The following RPS3 variants were observed in gnomAD, a reference collection of about 807,000 sequenced individuals.
The protein encoded by RPS3 is ribosomal protein S3.
In RPS3, 2 loss-of-function variants were observed where a neutral mutation model predicts 25.8. The ratio of observed to expected loss-of-function variants is 0.08; its 90% confidence interval spans 0.03 to 0.24. The LOEUF (loss-of-function observed/expected upper bound fraction) is 0.24. Among genes scored for constraint, RPS3 ranks in the 10% least tolerant of loss-of-function variants. The probability of loss-of-function intolerance (pLI) is 1.00; values close to 1 mark genes in which losing one functional copy is unlikely to be tolerated. For synonymous variants in RPS3, 114 were observed against 114.2 expected, an observed-to-expected ratio of 1.00 and a Z score of 0.01; for missense variants, 107 against 307.1, an observed-to-expected ratio of 0.35 and a Z score of 4.87.
rs1453395281 is a variant in RPS3, at chr11:75,406,232, C to CA, written c.*623dup. On this transcript the variant is annotated 3_prime_UTR_variant, in exon 7 of 7. Transcript: ENST00000531188. Reference sequence around the variant, plus strand: ...TTATGTTCTGGAGAACTGTGAAGAACATTTAAATTGTCTCTGATTTTATCT... The same window carrying CA: ...TTATGTTCTGGAGAACTGTGAAGAACAATTTAAATTGTCTCTGATTTTATCT... 1 of 152,208 alleles carries CA rather than the reference C, an allele frequency of 6.6e-6. No homozygotes were observed. The highest frequency in any genetic ancestry group is 1.5e-5 in the Non-Finnish European group (1 of 68,040). 9.4% of individuals were successfully genotyped at this position (152,208 alleles called of 1,614,324 possible).
downstream of RPS3, among the ~76,000 whole-genome samples, chr11:75,407,990 G>T (rs1438606791): frequency 6.6e-6 from 1 of 152,186 alleles, no homozygotes; most frequent in African/African-American, 2.4e-5. Flanking sequence ...AATGAATTGT[G>T]ACAGAAAAGT....
At position 75,404,687 on chromosome 11, in the gene RPS3, A is replaced by G. The variant is rs1236091952; in HGVS notation, c.554A>G (p.Lys185Arg). ...TGTCCTCTAGGTGTGCTGGGCATCA[A>G]GGTGAAGATCATGCTGCCCTGGGAC... ...VLLRQGVLGI[K>R]VKIMLPWDPT... is the part of the protein sequence containing the mutation. The change falls in exon 6 of 7, where the codon AAG becomes AGG. Residue 185 changes from lysine to arginine, a missense_variant. By Grantham distance (26) the Lys-to-Arg change is conservative. Transcript: ENST00000531188. This position sits in a 1 kb window ranked among gnomAD's most constrained non-coding sequence, Gnocchi z 4.6. 1 of 1,611,954 alleles carries G rather than the reference A, an allele frequency of 6.2e-7. No individual in the cohort carries two copies. Among genetic ancestry groups the G allele is most frequent in the South Asian group, 1.1e-5 (1 of 90,818 alleles).
rs1948435045 is a variant in RPS3 at position 75,420,614 on chromosome 11, C to T, written c.*4-1113C>T. ...CCTCATTTGTGAGGGGGCAGGCGGG[C>T]GGCAATAGTGCCTGCCTTACACTAT... On this transcript the variant is annotated intron_variant, in intron 6 of 6. Coordinates refer to the RPS3 transcript ENST00000527446. Among the ~76,000 whole-genome samples, 4 of 152,164 alleles carry T rather than the reference C, an allele frequency of 2.6e-5. No individual in the cohort carries two copies. The South Asian group carries it at 6.2e-4, about 24-fold the overall frequency.
intron 6 of RPS3, among the ~76,000 whole-genome samples, chr11:75,419,536 A>G (rs1948426390): frequency 6.6e-6 from 1 of 152,112 alleles, no homozygotes; most frequent in African/African-American, 2.4e-5. Flanking sequence ...CCTGGGCAAC[A>G]GAGTGAGACT....
downstream of RPS3, among the ~76,000 whole-genome samples, chr11:75,407,774 T>C (rs1948303867): frequency 6.6e-6 from 1 of 152,216 alleles, no homozygotes; most frequent in Non-Finnish European, 1.5e-5. Context: ...GCCAAACATC[T>C]GCAGATTAAG....
In RPS3 at chr11:75,417,591, C is replaced by T. The variant is rs192365636; in HGVS notation, c.*4-4136C>T. On this transcript the variant is annotated intron_variant, in intron 6 of 6. Transcript: ENST00000527446. ...CAGCCTGGGTGACAGAGTGAGACTC[C>T]GTCACACACACACAAAAATTTAAAG... Among the ~76,000 whole-genome samples, 483 of 152,280 alleles carry T rather than the reference C, an allele frequency of 3.2e-3. 1 individual carries two copies. Among genetic ancestry groups the T allele is most frequent in the Non-Finnish European group, 5.3e-3 (363 of 68,022 alleles).
intron 6 of RPS3, among the ~76,000 whole-genome samples, chr11:75,416,362 G>A (rs34593568): frequency 0.073 from 11,051 of 152,106 alleles, 522 homozygotes; most frequent in South Asian, 0.21. Context: ...CTGTTCAAAA[G>A]GTGGGCATAG....
At chr11:75,414,387 G>A (rs965909508) in intron 6 of RPS3, among the ~76,000 whole-genome samples, 18 of 152,196 alleles carry the variant, frequency 1.2e-4, no homozygotes, top group African/African-American at 3.4e-4. Flanking sequence ...CGAGGCAGGC[G>A]GATCACGAGG....
In RPS3 at chr11:75,414,521, G is replaced by A. The variant is rs1425258038; in HGVS notation, c.*4-7206G>A. 6.6e-5 allele frequency among the ~76,000 whole-genome samples: 10 copies of A among 152,082 alleles called. No homozygotes were observed. In the East Asian group the frequency reaches 1.5e-3, roughly 24 times the overall value. ...AGCTACTAGGGAGGCTGAGGCAGGA[G>A]AATGGCATGAAGCCAGGAGGCGGAG... On this transcript the variant is annotated intron_variant, in intron 6 of 6. Coordinates refer to the RPS3 transcript ENST00000527446.
At chr11:75,402,693 C>T (rs1033430998) in intron 4 of RPS3, 1 of 312,068 alleles carries the variant, frequency 3.2e-6, no homozygotes, top group African/African-American at 2.1e-5. Flanking sequence ...GGGAGTTAAA[C>T]ACAAATAGAA....
chr11:75,405,398 C>T (rs928522722), intron 6 of RPS3: 2 of 312,232 alleles, frequency 6.4e-6, no homozygotes, highest in African/African-American at 4.4e-5. Context: ...CACTAACAAG[C>T]CTCCTGTGGT....
At chr11:75,410,245 G>A (rs1169911980), downstream of RPS3, among the ~76,000 whole-genome samples, 1 of 150,280 alleles carries the variant, frequency 6.7e-6, no homozygotes, top group African/African-American at 2.5e-5. Context: ...GGTGGCTGCT[G>A]GACGGAGGGG....
At chr11:75,412,303 T>C (rs1407180696) in intron 6 of RPS3, among the ~76,000 whole-genome samples, 1 of 152,190 alleles carries the variant, frequency 6.6e-6, no homozygotes, top group African/African-American at 2.4e-5. Context: ...TTGGAGCCTT[T>C]AAGGAGGTAT....
downstream of RPS3, among the ~76,000 whole-genome samples, chr11:75,410,911 C>T (rs1387008356): frequency 6.6e-6 from 1 of 152,202 alleles, no homozygotes; most frequent in Non-Finnish European, 1.5e-5. Context: ...CAGTCTCGCT[C>T]TGTCACCCAG....
downstream of RPS3, among the ~76,000 whole-genome samples, chr11:75,408,855 C>T (rs115002787): frequency 4.8e-3 from 732 of 152,322 alleles, 8 homozygotes; most frequent in African/African-American, 0.017. Flanking sequence ...ACATCTTTTA[C>T]AGAAAACTAT....
downstream of RPS3, among the ~76,000 whole-genome samples, chr11:75,409,922 C>T (rs1378516184): frequency 6.8e-5 from 10 of 146,486 alleles, no homozygotes; most frequent in Non-Finnish European, 1.2e-4. Context: ...CCGGACGGGG[C>T]GGCCGGCCGG....
intron 6 of RPS3, among the ~76,000 whole-genome samples, chr11:75,417,323 A>G (rs1039012443): frequency 6.6e-6 from 1 of 151,798 alleles, no homozygotes. Flanking sequence ...TTAGGCCAGG[A>G]GTGGTGGCTC....
In RPS3 at chr11:75,400,689, A is replaced by T; in HGVS notation, c.31-5A>T. The stretch of plus-strand genomic sequence containing the variant: ...TAATTTTGAACTTTGCTTTGTTTGG[A>T]TTAGTTTGTCGCTGATGGCATCTTC... On this transcript the variant is annotated splice_region_variant and splice_polypyrimidine_tract_variant and intron_variant, in intron 1 of 6. Coordinates refer to ENST00000531188, the MANE Select transcript of RPS3 (RefSeq NM_001005.5). The T allele has an allele frequency of 6.2e-7, 1 of 1,611,526 alleles. No individual in the cohort carries two copies. The highest frequency in any genetic ancestry group is 1.1e-5 in the South Asian group (1 of 91,032).
chr11:75,418,988 G>A (rs893948580), intron 6 of RPS3, among the ~76,000 whole-genome samples: 1 of 152,192 alleles, frequency 6.6e-6, no homozygotes, highest in African/African-American at 2.4e-5. Flanking sequence ...AGAGGGTAGA[G>A]CTGGCCTTTA....
Sources: allele counts gnomAD v4.1 joint callset (sites outside exome capture counted in the v4.1 genomes callset), GRCh38; gene constraint gnomAD v4.1.1; non-coding constraint Gnocchi (gnomAD v3.1); transcripts MANE v1.5; gene names NCBI Gene and HGNC (gene_info 2026-07-23, HGNC 2026-07-21).